Variants in SEMA5A observed in about 807,000 individuals in gnomAD.
SEMA5A encodes the protein semaphorin 5A, also known as semaphorin-5A.
In SEMA5A, 55 loss-of-function variants were observed where a neutral mutation model predicts 135.5. The observed-to-expected ratio is 0.41, with a 90% CI of 0.33 to 0.51. The LOEUF (loss-of-function observed/expected upper bound fraction) is 0.51, where lower values mean the gene tolerates loss of function less well. Ranked by LOEUF, SEMA5A falls within the 20% of genes least tolerant of loss-of-function variation. The probability of loss-of-function intolerance (pLI) is 0.37; values close to 1 mark genes in which losing one functional copy is unlikely to be tolerated. For missense variants in SEMA5A, 1,290 were observed against 1,419.9 expected (o/e 0.91, Z 1.47); for synonymous variants, 580 against 546.5 (o/e 1.06, Z -0.85).
At chr5:9,243,198 T>C (rs1265807626) in intron 5 of SEMA5A, among the ~76,000 whole-genome samples, 1 of 152,182 alleles carries the variant, frequency 6.6e-6, no homozygotes, top group Non-Finnish European at 1.5e-5. Context: ...TGAATCCGAC[T>C]GAAAACTTTG....
chr5:9,230,540 A>C (rs532435171), intron 6 of SEMA5A, among the ~76,000 whole-genome samples: 8 of 152,194 alleles, frequency 5.3e-5, no homozygotes, highest in Admixed American at 5.2e-4. Flanking sequence ...GTGAGAATAC[A>C]TGAAGACACT....
intron 9 of SEMA5A, among the ~76,000 whole-genome samples, chr5:9,198,774 A>G (rs189380289): frequency 2.0e-4 from 30 of 152,318 alleles, no homozygotes; most frequent in Admixed American, 1.9e-3. Flanking sequence ...GCCTTTGAAC[A>G]TGTGAGTGGA....
chr5:9,441,967 G>A (rs1408352191), intron 1 of SEMA5A, among the ~76,000 whole-genome samples: 1 of 152,180 alleles, frequency 6.6e-6, no homozygotes, highest in African/African-American at 2.4e-5. Flanking sequence ...ACTTTGGGAG[G>A]GTGAATATGG....
intron 11 of SEMA5A, among the ~76,000 whole-genome samples, chr5:9,162,579 T>TACAC (rs1560977382): frequency 1.6e-5 from 2 of 129,002 alleles, no homozygotes; most frequent in South Asian, 2.5e-4. Context: ...TATATATATA[T>TACAC]ATATATACAC....
intron 5 of SEMA5A, among the ~76,000 whole-genome samples, chr5:9,294,962 T>C (rs1006057170): frequency 1.3e-5 from 2 of 152,120 alleles, no homozygotes; most frequent in Admixed American, 6.6e-5. Context: ...TCAAGGTCAC[T>C]AGCGCCAAAG....
intron 16 of SEMA5A, among the ~76,000 whole-genome samples, chr5:9,104,490 G>A (rs1739799233): frequency 6.6e-6 from 1 of 152,050 alleles, no homozygotes; most frequent in Admixed American, 6.6e-5. Flanking sequence ...GTCAAAATAG[G>A]GTTAAAAGGA....
chr5:9,533,904 A>G (rs1166631344), intron 1 of SEMA5A, among the ~76,000 whole-genome samples: 1 of 152,230 alleles, frequency 6.6e-6, no homozygotes, highest in African/African-American at 2.4e-5. Context: ...AAACTGCAAC[A>G]TATTTGGGCC....
chr5:9,066,961 T>C (rs1398527615), intron 16 of SEMA5A, among the ~76,000 whole-genome samples: 1 of 152,138 alleles, frequency 6.6e-6, no homozygotes, highest in Non-Finnish European at 1.5e-5. Flanking sequence ...ACTTAATGAG[T>C]AGCTAAAAGT....
intron 5 of SEMA5A, among the ~76,000 whole-genome samples, chr5:9,271,313 A>G (rs1425601149): frequency 6.6e-6 from 1 of 152,144 alleles, no homozygotes; most frequent in Non-Finnish European, 1.5e-5. Flanking sequence ...AGTCCATTAA[A>G]TCTCTTTTCT....
chr5:9,422,573 C>T (rs1413859122), intron 2 of SEMA5A: 5 of 152,152 alleles, frequency 3.3e-5, no homozygotes, highest in Non-Finnish European at 5.9e-5. Context: ...TAACGGAATG[C>T]AGTCGACCGA....
At chr5:9,355,187 CACA>C (rs887949445) in intron 3 of SEMA5A, among the ~76,000 whole-genome samples, 3 of 152,144 alleles carry the variant, frequency 2.0e-5, no homozygotes, top group African/African-American at 7.2e-5. Context: ...AGACAATATT[CACA>C]ACGACAAGTG....
In SEMA5A at chr5:9,108,286, A is replaced by G; in HGVS notation, c.1927T>C (p.Tyr643His). 4 of 1,614,068 alleles carry G rather than the reference A, an allele frequency of 2.5e-6. No individual in the cohort carries two copies. The highest frequency in any genetic ancestry group is 2.5e-6 in the Non-Finnish European group (3 of 1,179,986). ...VCVGQNREER[Y>H]CNEHLLCPPH... The stretch of plus-strand genomic sequence containing the variant: ...GGACATAGCAAATGTTCATTGCAGT[A>G]TCTGTAATGAGGAAACCAAAATGAC... Residue 643 changes from tyrosine to histidine, a missense_variant and splice_region_variant, in exon 16 of 23, where the codon TAC becomes CAC. Around this residue, in one of 3 missense-constraint regions of SEMA5A, gnomAD observed 1,029 missense variants for 1,086.6 expected, o/e 0.95. Transcript: ENST00000382496.
chr5:9,108,533 A>C (rs1200476012), intron 15 of SEMA5A, among the ~76,000 whole-genome samples: 1 of 152,188 alleles, frequency 6.6e-6, no homozygotes, highest in African/African-American at 2.4e-5. Context: ...TGCAGGATGG[A>C]TCTTCCTGTG....
intron 1 of SEMA5A, among the ~76,000 whole-genome samples, chr5:9,477,533 G>A (rs1432914132): frequency 2.0e-5 from 3 of 152,170 alleles, no homozygotes; most frequent in African/African-American, 4.8e-5. Flanking sequence ...AGATGGAGAT[G>A]AGGAACTTAT....
intron 13 of SEMA5A, among the ~76,000 whole-genome samples, chr5:9,129,664 C>T (rs2448461): frequency 0.14 from 21,786 of 152,184 alleles, 3,040 homozygotes; most frequent in African/African-American, 0.33. Flanking sequence ...TGCTATCTTC[C>T]AGATTTCTGC....
chr5:9,133,780 C>CT (rs1741570281), intron 13 of SEMA5A, among the ~76,000 whole-genome samples: 1 of 83,536 alleles, frequency 1.2e-5, no homozygotes, highest in Non-Finnish European at 3.5e-5. Context: ...CCTTTTCTTT[C>CT]TTTCTTTTTT....
intron 1 of SEMA5A, among the ~76,000 whole-genome samples, chr5:9,485,054 C>T (rs556334695): frequency 6.6e-6 from 1 of 152,172 alleles, no homozygotes; most frequent in Admixed American, 6.5e-5. Context: ...AGTAAAGCTA[C>T]AGTTCAGACT....
intron 5 of SEMA5A, among the ~76,000 whole-genome samples, chr5:9,302,149 A>G (rs557068202): frequency 5.9e-4 from 90 of 152,248 alleles, no homozygotes; most frequent in Non-Finnish European, 1.1e-3. Context: ...GATTGTATCT[A>G]AGAGGCACCC....
At chr5:9,539,690 T>C (rs971764612) in intron 1 of SEMA5A, among the ~76,000 whole-genome samples, 2 of 152,232 alleles carry the variant, frequency 1.3e-5, no homozygotes, top group Non-Finnish European at 2.9e-5. Flanking sequence ...TTATATATAT[T>C]AGCATTTTTA....
Sources: allele counts gnomAD v4.1 joint callset (sites outside exome capture counted in the v4.1 genomes callset), GRCh38; gene constraint gnomAD v4.1.1; regional missense constraint gnomAD v4.1.1; transcripts MANE v1.5; gene names NCBI Gene and HGNC (gene_info 2026-07-23, HGNC 2026-07-21).